Variants in ZDHHC13 observed in about 807,000 individuals in gnomAD.
ZDHHC13 encodes palmitoyltransferase ZDHHC13.
A neutral mutation model predicts 86.0 loss-of-function variants in ZDHHC13; 85 were observed. The ratio of observed to expected loss-of-function variants is 0.99; its 90% CI spans 0.83 to 1.18. The LOEUF (loss-of-function observed/expected upper bound fraction) is 1.18. Ranked by LOEUF, ZDHHC13 falls within the 50% of genes most tolerant of loss-of-function variation. The pLI is 0.00. For synonymous variants in ZDHHC13, 263 were observed against 246.4 expected (o/e 1.07, Z -0.63); for missense variants, 711 against 730.2 (o/e 0.97, Z 0.30).
intron 1 of ZDHHC13, among the ~76,000 whole-genome samples, chr11:19,133,935 A>ATG (rs1849061165): frequency 4.0e-5 from 4 of 100,150 alleles, no homozygotes; most frequent in African/African-American, 1.1e-4. Context: ...ATATATATAT[A>ATG]TATATATACA....
chr11:19,122,386 G>C (rs1848775303), intron 1 of ZDHHC13, among the ~76,000 whole-genome samples: 1 of 151,984 alleles, frequency 6.6e-6, no homozygotes, highest in Non-Finnish European at 1.5e-5. Flanking sequence ...TTCCTGATCT[G>C]CTATTTTCTT....
At chr11:19,172,069 CTTAT>C (rs1244799883) in intron 15 of ZDHHC13, among the ~76,000 whole-genome samples, 1 of 152,012 alleles carries the variant, frequency 6.6e-6, no homozygotes, top group Non-Finnish European at 1.5e-5. Context: ...ATTTTATTTA[CTTAT>C]TTATTTATTT....
rs1371710749 is a variant in ZDHHC13 at position 19,143,000 on chromosome 11, C to G, written c.50C>G (p.Pro17Arg). 6.2e-7 allele frequency: 1 copy of G among 1,610,200 alleles called. No homozygotes were observed. The change falls in exon 2 of 17, where the codon CCC becomes CGC. Residue 17 changes from proline to arginine, a missense_variant. Coordinates refer to ENST00000446113, the MANE Select transcript of ZDHHC13 (RefSeq NM_019028.3). ...CAGTGCAGGAATCACAGCCATGGCC[C>G]CCACCCTCCAGGATTTGGTCGATAT... is the stretch of plus-strand genomic sequence containing the variant. ...GSQCRNHSHG[P>R]HPPGFGRYGI... is the part of the protein sequence containing the mutation.
intron 5 of ZDHHC13, among the ~76,000 whole-genome samples, chr11:19,149,910 G>A (rs189593726): frequency 6.6e-6 from 1 of 152,326 alleles, no homozygotes; most frequent in African/African-American, 2.4e-5. Flanking sequence ...ATGAAAACGT[G>A]TTTGCACAAA....
Position 19,163,610 on chromosome 11 carries a change from A to G in ZDHHC13, c.1233+183A>G, listed in dbSNP as rs182804664. 1.7e-3 allele frequency among the ~76,000 whole-genome samples: 258 copies of G among 152,180 alleles called. 6 individuals are homozygous for G. The highest frequency in any genetic ancestry group is 0.014 in the Admixed American group (219 of 15,274). On this transcript the variant is annotated intron_variant, in intron 11 of 16. Transcript: ENST00000446113. The stretch of plus-strand genomic sequence containing the variant: ...TATGTATATGAAAGTTTTAACACAT[A>G]TTTTTATTTTCTGTTGAAATAATAC...
rs1472694 is a variant in ZDHHC13, at chr11:19,121,526, T to C, written c.27+4250T>C. On this transcript the variant is annotated intron_variant, in intron 1 of 16. Transcript: ENST00000446113. ...AAGGAACTGTGTCTTATTCATCTTT[T>C]ATCCCTGATTACCTACTTCTGTGAT... Among the ~76,000 whole-genome samples the C allele has an allele frequency of 2.9e-3, 443 of 152,374 alleles. 1 individual carries two copies. The highest frequency in any genetic ancestry group is 0.01 in the African/African-American group (431 of 41,596).
intron 8 of ZDHHC13, among the ~76,000 whole-genome samples, chr11:19,153,097 C>T (rs1849657352): frequency 6.6e-6 from 1 of 152,034 alleles, no homozygotes; most frequent in South Asian, 2.1e-4. Context: ...TACAATGTTT[C>T]CTTAGAATCA....
rs370865914 is a variant in ZDHHC13, at chr11:19,117,742, C to T, written c.27+466C>T. The T allele has an allele frequency of 5.9e-4, 95 of 160,710 alleles. No individual in the cohort carries two copies. Among genetic ancestry groups the T allele is most frequent in the South Asian group, 4.0e-3 (20 of 4,966 alleles). 10.0% of individuals were successfully genotyped at this position (160,710 alleles called of 1,614,324 possible). On this transcript the variant is annotated intron_variant, in intron 1 of 16. Transcript: ENST00000446113. The surrounding 1 kb of genome is among the most constrained non-coding windows in gnomAD (Gnocchi z 4.2). ...ACCCCACCCAGTCCAGTTTTCGCTC[C>T]TGTTTCCGCATCCTTGCTTACTCCT...
At chr11:19,155,672 G>C (rs1006242498) in intron 8 of ZDHHC13, 124 bp from the exon 9 acceptor site, 2 of 975,438 alleles carry the variant, frequency 2.1e-6, no homozygotes, top group African/African-American at 1.8e-5. Context: ...GGAAAACTTT[G>C]TGTTAGCTTT....
In ZDHHC13 at chr11:19,135,883, TAACA is replaced by T. The variant is rs1372529550; in HGVS notation, c.28-7090_28-7087del. Among the ~76,000 whole-genome samples, 16 of 151,978 alleles carry T rather than the reference TAACA, an allele frequency of 1.1e-4. No homozygotes were observed. The East Asian group carries it at 2.7e-3, about 26-fold the overall frequency. On this transcript the variant is annotated intron_variant, in intron 1 of 16. Coordinates refer to ENST00000446113, the MANE Select transcript of ZDHHC13 (RefSeq NM_019028.3). The stretch of plus-strand genomic sequence containing the variant: ...GGGTCCTGTCTGTTAGAAGGAAAAC[TAACA>T]AACAGAAAGGACATCCACACCAAAA...
chr11:19,161,617 C>T (rs1039493797), intron 10 of ZDHHC13, among the ~76,000 whole-genome samples: 1 of 151,520 alleles, frequency 6.6e-6, no homozygotes, highest in Non-Finnish European at 1.5e-5. Flanking sequence ...AAAATGGAAC[C>T]TTATTGATGA....
intron 1 of ZDHHC13, among the ~76,000 whole-genome samples, chr11:19,118,377 T>C (rs934601110): frequency 6.6e-6 from 1 of 152,228 alleles, no homozygotes. Context: ...GTCAAGGTGT[T>C]CTTATTGGTT....
intron 1 of ZDHHC13, among the ~76,000 whole-genome samples, chr11:19,127,288 C>T (rs1323719126): frequency 6.6e-6 from 1 of 152,146 alleles, no homozygotes; most frequent in East Asian, 1.9e-4. Context: ...TCTTTACCTA[C>T]ATTTTAATGG....
rs193160102 is a variant in ZDHHC13, at chr11:19,122,297, G to A, written c.27+5021G>A. On this transcript the variant is annotated intron_variant, in intron 1 of 16. Coordinates refer to ENST00000446113, the MANE Select transcript of ZDHHC13 (RefSeq NM_019028.3). The stretch of plus-strand genomic sequence containing the variant: ...CTCAATTTAGCCTCTTGACAATTTT[G>A]AATTTTTTCCAAGGGGGTACTGACT... Among the ~76,000 whole-genome samples, 4 of 152,262 alleles carry A rather than the reference G, an allele frequency of 2.6e-5. No homozygotes were observed. The East Asian group carries it at 7.7e-4, about 29-fold the overall frequency.
chr11:19,157,862 G>T (rs538621357), intron 9 of ZDHHC13, among the ~76,000 whole-genome samples: 36 of 152,184 alleles, frequency 2.4e-4, no homozygotes, highest in Non-Finnish European at 3.4e-4. Context: ...TCCTCTATAG[G>T]GTCCCAATTT....
intron 1 of ZDHHC13, among the ~76,000 whole-genome samples, chr11:19,140,153 C>T (rs1181445969): frequency 2.3e-4 from 34 of 149,864 alleles, no homozygotes; most frequent in African/African-American, 5.7e-4. Flanking sequence ...AGAAAATTTT[C>T]GCAACCTACT....
chr11:19,163,407 T>C lies in ZDHHC13; in HGVS notation c.1213T>C (p.Ser405Pro). Reference sequence around the variant, plus strand: ...AACTGATCCAGGCTTCACTAAGGCTTCTGAAGAAGAAAAGAAAGTGGTGAG... The same window carrying C: ...AACTGATCCAGGCTTCACTAAGGCTCCTGAAGAAGAAAAGAAAGTGGTGAG... ...WATDPGFTKA[S>P]EEEKKVNIIT... Residue 405 changes from serine to proline, a missense_variant, in exon 11 of 17, where the codon TCT (serine) becomes CCT (proline). Ser to Pro is a moderately conservative substitution (Grantham distance 74, BLOSUM62 -1). Coordinates refer to ENST00000446113, the MANE Select transcript of ZDHHC13 (RefSeq NM_019028.3). 13 of 1,598,648 alleles carry C rather than the reference T, an allele frequency of 8.1e-6. No individual in the cohort carries two copies. Among genetic ancestry groups the C allele is most frequent in the Non-Finnish European group, 1.1e-5 (13 of 1,174,842 alleles).
At chr11:19,164,925 G>T (rs2303438) in intron 12 of ZDHHC13, 127 bp from the exon 13 acceptor site, 1 of 701,712 alleles carries the variant, frequency 1.4e-6, no homozygotes, top group East Asian at 2.7e-5. Context: ...CAGCCTCTGT[G>T]TGAATTGATG....
rs540775785 is a variant in ZDHHC13, at chr11:19,166,644, C to A, written c.1474+259C>A. The A allele has an allele frequency of 2.1e-4, 53 of 253,568 alleles. No homozygotes were observed. The Admixed American group carries it at 2.9e-3, about 14-fold the overall frequency. 15.7% of individuals were successfully genotyped at this position (253,568 alleles called of 1,614,324 possible). On this transcript the variant is annotated intron_variant, in intron 14 of 16. Coordinates refer to ENST00000446113, the MANE Select transcript of ZDHHC13 (RefSeq NM_019028.3). Reference sequence around the variant, plus strand: ...AATAGAAATTCATTTAAGGCAAGTGCAGATTTGCTCCCCAGTGAAGAAGGA... The same window carrying A: ...AATAGAAATTCATTTAAGGCAAGTGAAGATTTGCTCCCCAGTGAAGAAGGA...
Sources: allele counts gnomAD v4.1 joint callset (sites outside exome capture counted in the v4.1 genomes callset), GRCh38; gene constraint gnomAD v4.1.1; non-coding constraint Gnocchi (gnomAD v3.1); transcripts MANE v1.5; gene names NCBI Gene and HGNC (gene_info 2026-07-23, HGNC 2026-07-21).